Variants in NLK observed in about 807,000 individuals in gnomAD.
NLK encodes the protein nemo like kinase.
A neutral mutation model predicts 59.0 loss-of-function variants in NLK; 11 were observed. The observed-to-expected ratio is 0.19, with a 90% CI of 0.12 to 0.31. The LOEUF is 0.31. Ranked by LOEUF, NLK falls within the 10% of genes least tolerant of loss-of-function variation. The pLI is 1.00. For synonymous variants in NLK, 235 were observed against 235.9 expected, an observed-to-expected ratio of 1.00 and a Z score of 0.03; for missense variants, 410 against 661.1, an observed-to-expected ratio of 0.62 and a Z score of 4.16.
At chr17:28,104,761 T>C (rs535898759) in intron 1 of NLK, among the ~76,000 whole-genome samples, 37 of 152,272 alleles carry the variant, frequency 2.4e-4, no homozygotes, top group African/African-American at 8.7e-4. Context: ...TAAAAGGGGA[T>C]AATAATAGTA....
At chr17:28,165,002 A>G (rs1460467713) in intron 5 of NLK, among the ~76,000 whole-genome samples, 4 of 152,110 alleles carry the variant, frequency 2.6e-5, no homozygotes, top group East Asian at 1.9e-4. Context: ...CCTATTTTTC[A>G]TATTTTCCCT....
chr17:28,064,174 C>CT (rs66949112), intron 1 of NLK, among the ~76,000 whole-genome samples: 71,251 of 99,574 alleles, frequency 0.72, 25,812 homozygotes, highest in East Asian at 0.95. Context: ...AGTTAGCAAA[C>CT]TTTTTTTTTT....
chr17:28,043,372 C>CT, intron 1 of NLK, 41 bp downstream of exon 1: 1 of 1,466,720 alleles, frequency 6.8e-7, no homozygotes, highest in Non-Finnish European at 9.2e-7. Context: ...ATGGTTTCTT[C>CT]TGTTGGTTGT....
At chr17:28,145,410 G>C (rs961504390) in intron 3 of NLK, among the ~76,000 whole-genome samples, 4 of 152,172 alleles carry the variant, frequency 2.6e-5, no homozygotes, top group Admixed American at 1.3e-4. Flanking sequence ...GTTACCTTCT[G>C]TAGAGGTTCT....
At chr17:28,181,879 G>A (rs962180610) in intron 7 of NLK, among the ~76,000 whole-genome samples, 2 of 152,052 alleles carry the variant, frequency 1.3e-5, no homozygotes, top group Non-Finnish European at 2.9e-5. Flanking sequence ...GTGTGGTGGC[G>A]CACGTCTGTA....
At chr17:28,048,057 TC>T (rs1909122693) in intron 1 of NLK, 3 of 397,878 alleles carry the variant, frequency 7.5e-6, no homozygotes, top group South Asian at 2.5e-4. Flanking sequence ...CGGTTGCTCT[TC>T]TAGACATAAC....
chr17:28,111,902 T>G (rs1056255061), intron 1 of NLK, among the ~76,000 whole-genome samples: 4 of 96,328 alleles, frequency 4.2e-5, no homozygotes, highest in African/African-American at 1.6e-4. Flanking sequence ...GTGTGGTGTG[T>G]GTGTGTGTGT....
chr17:28,077,316 G>A (rs749385197), intron 1 of NLK, among the ~76,000 whole-genome samples: 1 of 151,926 alleles, frequency 6.6e-6, no homozygotes, highest in Non-Finnish European at 1.5e-5. Flanking sequence ...TAACATGGTG[G>A]CGGCAAGAGA....
rs1250873025 is a variant in NLK, at chr17:28,195,434, TC to T, written c.*799del. 1 of 152,400 alleles carries T rather than the reference TC, an allele frequency of 6.6e-6. No individual in the cohort carries two copies. Among genetic ancestry groups the T allele is most frequent in the Non-Finnish European group, 1.5e-5 (1 of 68,012 alleles). 9.4% of individuals were successfully genotyped at this position (152,400 alleles called of 1,614,324 possible). A position where few individuals can be genotyped will look rare whatever the true frequency, so the allele number is the denominator to read the frequency against. ...TAAATAATTCATTTCTGGGCTAATTTCAAAAGAATCCCAATATTGCTGTATA... is the reference window on the plus strand; with the variant it reads ...TAAATAATTCATTTCTGGGCTAATTTAAAAGAATCCCAATATTGCTGTATA... On this transcript the variant is annotated 3_prime_UTR_variant, in exon 11 of 11. Coordinates refer to ENST00000407008, the MANE Select transcript of NLK (RefSeq NM_016231.5).
intron 2 of NLK, among the ~76,000 whole-genome samples, chr17:28,130,327 G>A (rs1440219215): frequency 6.6e-6 from 1 of 151,982 alleles, no homozygotes; most frequent in East Asian, 1.9e-4. Flanking sequence ...ATTTCTACTG[G>A]TCTAAATACT....
intron 3 of NLK, among the ~76,000 whole-genome samples, chr17:28,157,051 CTG>C (rs1597714781): frequency 6.6e-6 from 1 of 152,150 alleles, no homozygotes; most frequent in Non-Finnish European, 1.5e-5. Context: ...GGGTCTCACT[CTG>C]TCACCCAGGC....
chr17:28,168,528 T>C lies in NLK; in HGVS notation c.918T>C (p.Tyr306=). 1 of 1,613,674 alleles carries C rather than the reference T, an allele frequency of 6.2e-7. No individual in the cohort carries two copies. Among genetic ancestry groups the C allele is most frequent in the Middle Eastern group, 1.6e-4 (1 of 6,062 alleles). The change falls in exon 6 of 11, where the codon TAT becomes TAC. Residue 306 remains tyrosine, a synonymous_variant. Coordinates refer to ENST00000407008, the MANE Select transcript of NLK (RefSeq NM_016231.5). ...HMTQEVVTQY[Y]RAPEILMGSR... ...CTCAGGAAGTTGTTACTCAGTATTA[T>C]CGGGCTCCAGAAATCCTGATGGGCA...
At chr17:28,144,396 C>CAAAAAA (rs984366292) in intron 3 of NLK, among the ~76,000 whole-genome samples, 7 of 81,544 alleles carry the variant, frequency 8.6e-5, no homozygotes, top group Admixed American at 1.2e-4. Context: ...CAGGTGAAGC[C>CAAAAAA]AAAAAAAAAA....
At chr17:28,064,199 T>A (rs991772314) in intron 1 of NLK, among the ~76,000 whole-genome samples, 16 of 149,128 alleles carry the variant, frequency 1.1e-4, no homozygotes, top group African/African-American at 3.7e-4. Flanking sequence ...TTTTTTTTTT[T>A]AAAGAGACAA....
intron 3 of NLK, among the ~76,000 whole-genome samples, chr17:28,133,521 A>T (rs551000945): frequency 6.6e-6 from 1 of 152,324 alleles, no homozygotes; most frequent in African/African-American, 2.4e-5. Context: ...GCCTGGTGAT[A>T]GCTCCATGGT....
chr17:28,075,135 G>A (rs1910124931), intron 1 of NLK, among the ~76,000 whole-genome samples: 1 of 152,142 alleles, frequency 6.6e-6, no homozygotes, highest in Non-Finnish European at 1.5e-5. Context: ...GGCTGTGTTA[G>A]CCTGCTAGTT....
At chr17:28,145,736 C>G (rs1907217363) in intron 3 of NLK, among the ~76,000 whole-genome samples, 1 of 149,856 alleles carries the variant, frequency 6.7e-6, no homozygotes, top group African/African-American at 2.4e-5. Context: ...AAGACAGTCT[C>G]ACTCTGTCAC....
At chr17:28,081,768 T>C (rs143815632) in intron 1 of NLK, among the ~76,000 whole-genome samples, 2 of 152,332 alleles carry the variant, frequency 1.3e-5, no homozygotes, top group East Asian at 1.9e-4. Flanking sequence ...GCAAATTCCC[T>C]GTCCCTAAGA....
chr17:28,132,653 C>T lies in NLK; in HGVS notation c.622C>T (p.His208Tyr). The change falls in exon 3 of 11, where the codon CAC becomes TAC. Residue 208 changes from histidine (H) to tyrosine (Y), a missense_variant. Around this residue, in one of 5 missense-constraint regions of NLK, gnomAD observed 73 missense variants for 197.2 expected, o/e 0.37. Coordinates refer to ENST00000407008, the MANE Select transcript of NLK (RefSeq NM_016231.5). ...LSALDILQPPHIDYFEEIYVV... is the reference protein window; with the variant it reads ...LSALDILQPPYIDYFEEIYVV... The stretch of plus-strand genomic sequence containing the variant: ...TGCCCTTGACATACTCCAACCTCCA[C>T]ACATTGACTATTTTGAAGAAATGTA... 6.2e-7 allele frequency: 1 copy of T among 1,610,710 alleles called. No homozygotes were observed. The highest frequency in any genetic ancestry group is 8.5e-7 in the Non-Finnish European group (1 of 1,178,218).
Sources: gnomAD v4.1 joint callset for allele counts (sites outside exome capture counted in the v4.1 genomes callset) on GRCh38, gnomAD v4.1.1 for gene constraint, gnomAD v4.1.1 regional missense constraint, MANE v1.5 for transcripts, NCBI Gene and HGNC (gene_info 2026-07-23, HGNC 2026-07-21) for gene names.